Variants in RIPOR2 observed in about 807,000 individuals in gnomAD.
The protein encoded by RIPOR2 is RHO family interacting cell polarization regulator 2.
A neutral mutation model predicts 114.5 loss-of-function variants in RIPOR2; 39 were observed. The observed-to-expected ratio is 0.34, with a 90% CI of 0.26 to 0.44. The LOEUF is 0.44. Among genes scored for constraint, RIPOR2 ranks in the 20% least tolerant of loss-of-function variants. RIPOR2 has a pLI of 1.00. For missense variants in RIPOR2, 1,007 were observed against 1,255.1 expected (o/e 0.80, Z 2.99); for synonymous variants, 445 against 484.4 (o/e 0.92, Z 1.07).
intron 1 of RIPOR2, among the ~76,000 whole-genome samples, chr6:24,984,967 C>A (rs989713766): frequency 1.3e-5 from 2 of 152,196 alleles, no homozygotes; most frequent in Non-Finnish European, 2.9e-5. Flanking sequence ...AGAAGCCCTG[C>A]GAGCCCCTCT....
chr6:24,927,840 T>C (rs538223812), intron 1 of RIPOR2, among the ~76,000 whole-genome samples: 12 of 152,356 alleles, frequency 7.9e-5, no homozygotes, highest in African/African-American at 2.6e-4. Flanking sequence ...ATTTTGCTCA[T>C]TCCACAGCAT....
chr6:25,037,435 G>A lies in RIPOR2; in HGVS notation c.76+4416C>T, dbSNP rs937863872. On this transcript the variant is annotated intron_variant, in intron 1 of 13. Coordinates refer to the RIPOR2 transcript ENST00000510784. The surrounding 1 kb of genome is among the most constrained non-coding windows in gnomAD (Gnocchi z 4.5). ...ATGTAGAAGGCCCAGGCACCCACGGGCTGTTGCTGTGTCTATACTCCTCTT... is the reference window on the plus strand; with the variant it reads ...ATGTAGAAGGCCCAGGCACCCACGGACTGTTGCTGTGTCTATACTCCTCTT... Among the ~76,000 whole-genome samples, 2 of 152,160 alleles carry A rather than the reference G, an allele frequency of 1.3e-5. No individual in the cohort carries two copies. Among genetic ancestry groups the A allele is most frequent in the Non-Finnish European group, 2.9e-5 (2 of 68,038 alleles).
At chr6:24,847,652 A>G in intron 12 of RIPOR2, 1 of 1,551,750 alleles carries the variant, frequency 6.4e-7, no homozygotes, top group Non-Finnish European at 8.7e-7. Flanking sequence ...CTCAAGACAG[A>G]CAGCCGCCTG....
rs576848695 is a variant in RIPOR2 at position 24,997,198 on chromosome 6, T to A, written c.76+44653A>T. 9.3e-4 allele frequency among the ~76,000 whole-genome samples: 141 copies of A among 152,322 alleles called. 1 individual carries two copies. The highest frequency in any genetic ancestry group is 3.0e-3 in the African/African-American group (124 of 41,574). ...TCTGTTGGTGGGATGCAGGCATTTGTGTTTTAAAAAACTCCCCAGGTGATT... is the reference window on the plus strand; with the variant it reads ...TCTGTTGGTGGGATGCAGGCATTTGAGTTTTAAAAAACTCCCCAGGTGATT... On this transcript the variant is annotated intron_variant, in intron 1 of 13. Coordinates refer to the RIPOR2 transcript ENST00000510784.
At chr6:24,987,410 G>A (rs1450921454) in intron 1 of RIPOR2, among the ~76,000 whole-genome samples, 1 of 152,188 alleles carries the variant, frequency 6.6e-6, no homozygotes, top group Non-Finnish European at 1.5e-5. Flanking sequence ...ACTGACGGGT[G>A]GTGCCATGTG....
At chr6:24,820,509 T>TAGTA (rs1196704292) in intron 19 of RIPOR2, among the ~76,000 whole-genome samples, 1 of 152,226 alleles carries the variant, frequency 6.6e-6, no homozygotes, top group Non-Finnish European at 1.5e-5. Context: ...CTGTACCCAT[T>TAGTA]AGTAGTCATT....
intron 13 of RIPOR2, 63 bp from the exon 14 acceptor site, chr6:24,839,335 G>C: frequency 6.7e-7 from 1 of 1,482,054 alleles, no homozygotes; most frequent in South Asian, 1.4e-5. Context: ...CCAGACACAC[G>C]ATGCTCAATT....
chr6:25,019,517 C>G (rs1314515680), intron 1 of RIPOR2, among the ~76,000 whole-genome samples: 1 of 151,918 alleles, frequency 6.6e-6, no homozygotes, highest in African/African-American at 2.4e-5. Context: ...CGCCTGTAAT[C>G]CCAGCACTCT....
intron 1 of RIPOR2, among the ~76,000 whole-genome samples, chr6:24,966,696 T>G (rs576750041): frequency 6.6e-6 from 1 of 152,156 alleles, no homozygotes; most frequent in South Asian, 2.1e-4. Context: ...CAATGGAGAG[T>G]GAGGCATGAT....
chr6:24,913,150 A>AGTGTGTGTGTGT (rs10598852), intron 1 of RIPOR2, among the ~76,000 whole-genome samples: 9 of 149,266 alleles, frequency 6.0e-5, no homozygotes, highest in African/African-American at 2.2e-4. Context: ...GCATGACTTG[A>AGTGTGTGTGTGT]GTGTGTGTGT....
At chr6:24,929,543 T>C (rs903904573) in intron 1 of RIPOR2, 5 of 152,210 alleles carry the variant, frequency 3.3e-5, no homozygotes, top group Non-Finnish European at 7.3e-5. Flanking sequence ...TCTAGGACCA[T>C]TTACTAGTTC....
chr6:24,909,592 C>T (rs1170297916), intron 1 of RIPOR2, among the ~76,000 whole-genome samples: 1 of 152,058 alleles, frequency 6.6e-6, no homozygotes, highest in Non-Finnish European at 1.5e-5. Flanking sequence ...AGCTAACAAT[C>T]GAGCAGACGC....
chr6:24,921,655 C>CT (rs1312997578), intron 1 of RIPOR2, among the ~76,000 whole-genome samples: 1 of 150,978 alleles, frequency 6.6e-6, no homozygotes, highest in South Asian at 2.1e-4. Context: ...CTTATCGCCC[C>CT]CCCCGACCCT....
intron 1 of RIPOR2, among the ~76,000 whole-genome samples, chr6:24,930,603 G>A (rs1311660926): frequency 6.6e-6 from 1 of 152,188 alleles, no homozygotes; most frequent in Non-Finnish European, 1.5e-5. Context: ...AGACATCTAT[G>A]GGAAGAGAAT....
At position 25,015,904 on chromosome 6, in the gene RIPOR2, T is replaced by G. The variant is rs1373424928; in HGVS notation, c.76+25947A>C. ...AAAACGCAGGTTTTTTGGTTTTTTTTTTTTTTTTTTTTTTTTTTTTAAGGA... is the reference window on the plus strand; with the variant it reads ...AAAACGCAGGTTTTTTGGTTTTTTTGTTTTTTTTTTTTTTTTTTTTAAGGA... On this transcript the variant is annotated intron_variant, in intron 1 of 13. Coordinates refer to the RIPOR2 transcript ENST00000510784. 13 of 90,418 alleles carry G rather than the reference T, an allele frequency of 1.4e-4. 2 individuals carry two copies. Among genetic ancestry groups the G allele is most frequent in the South Asian group, 5.0e-4 (1 of 1,990 alleles). 5.6% of individuals were successfully genotyped at this position (90,418 alleles called of 1,614,324 possible).
chr6:25,004,283 A>G (rs1775448700), intron 1 of RIPOR2, among the ~76,000 whole-genome samples: 1 of 152,212 alleles, frequency 6.6e-6, no homozygotes, highest in Non-Finnish European at 1.5e-5. Flanking sequence ...AAAAAAGAAC[A>G]AGGCACAGAC....
In RIPOR2 at chr6:24,915,139, A is replaced by G. The variant is rs555514126; in HGVS notation, c.61+20699T>C. ...TGTGATGCTTCTTATCCATAGGAAC[A>G]GCAGATCTAACAGCCTTGAAGGTCT... On this transcript the variant is annotated intron_variant, in intron 1 of 21. Coordinates refer to ENST00000643898, the MANE Select transcript of RIPOR2 (RefSeq NM_001286445.3). Among the ~76,000 whole-genome samples, 7 of 152,318 alleles carry G rather than the reference A, an allele frequency of 4.6e-5. No individual in the cohort carries two copies. In the South Asian group the frequency reaches 1.5e-3, roughly 32 times the overall value.
chr6:24,903,982 T>G (rs180840589), intron 1 of RIPOR2, among the ~76,000 whole-genome samples: 1 of 152,348 alleles, frequency 6.6e-6, no homozygotes, highest in East Asian at 1.9e-4. Flanking sequence ...CCCTTCTTGC[T>G]GCCTTCCTTA....
At chr6:24,870,818 T>G (rs1440417968) in intron 5 of RIPOR2, 48 bp downstream of exon 5, 12 of 1,497,626 alleles carry the variant, frequency 8.0e-6, no homozygotes, top group Non-Finnish European at 1.1e-5. Flanking sequence ...CCAGCAAGGA[T>G]GCAGAATTTT....
Sources: allele counts gnomAD v4.1 joint callset (sites outside exome capture counted in the v4.1 genomes callset), GRCh38; gene constraint gnomAD v4.1.1; non-coding constraint Gnocchi (gnomAD v3.1); transcripts MANE v1.5; gene names NCBI Gene and HGNC (gene_info 2026-07-23, HGNC 2026-07-21).